Variants in RNF220 observed in about 807,000 individuals in gnomAD.
The protein encoded by RNF220 is E3 ubiquitin-protein ligase RNF220.
A neutral mutation model predicts 67.1 loss-of-function variants in RNF220; 7 were observed. The ratio of observed to expected loss-of-function variants is 0.10; its 90% confidence interval spans 0.06 to 0.20. The LOEUF is 0.20. Ranked by LOEUF, RNF220 falls within the 10% of genes least tolerant of loss-of-function variation. RNF220 has a pLI of 1.00. For synonymous variants in RNF220, 270 were observed against 283.2 expected, an observed-to-expected ratio of 0.95 and a Z score of 0.47; for missense variants, 565 against 740.3, an observed-to-expected ratio of 0.76 and a Z score of 2.75.
chr1:44,646,684 A>G (rs1244408630), intron 12 of RNF220, among the ~76,000 whole-genome samples: 1 of 152,168 alleles, frequency 6.6e-6, no homozygotes, highest in East Asian at 1.9e-4. Flanking sequence ...AGTGGCTTCC[A>G]TGAAGGTACA....
chr1:44,440,567 CAG>C (rs1453977357), intron 2 of RNF220, among the ~76,000 whole-genome samples: 1 of 152,198 alleles, frequency 6.6e-6, no homozygotes, highest in Admixed American at 6.5e-5. Flanking sequence ...AGCTGAGACT[CAG>C]AGAATTTAAG....
chr1:44,428,253 T>C (rs1005897286), intron 2 of RNF220, among the ~76,000 whole-genome samples: 3 of 152,192 alleles, frequency 2.0e-5, no homozygotes, highest in African/African-American at 7.2e-5. Context: ...TGACGAATCC[T>C]GTTCTATGCC....
intron 2 of RNF220, among the ~76,000 whole-genome samples, chr1:44,546,369 A>G (rs1457853305): frequency 1.3e-5 from 2 of 152,136 alleles, no homozygotes; most frequent in Admixed American, 6.5e-5. Context: ...CCACCGCAAC[A>G]TCTGAGAGCA....
chr1:44,542,823 C>T (rs1661780774), intron 2 of RNF220, among the ~76,000 whole-genome samples: 1 of 152,174 alleles, frequency 6.6e-6, no homozygotes, highest in Non-Finnish European at 1.5e-5. Flanking sequence ...TTGGGCTGAC[C>T]AAAGAAGGCT....
At chr1:44,411,839 C>A (rs1470994059) in intron 1 of RNF220, 142 bp from the exon 2 acceptor site, 1 of 440,800 alleles carries the variant, frequency 2.3e-6, no homozygotes. Flanking sequence ...TGCTGCTGCC[C>A]ACTGGCTCCT....
intron 2 of RNF220, among the ~76,000 whole-genome samples, chr1:44,494,304 G>A (rs182852217): frequency 2.0e-5 from 3 of 152,054 alleles, no homozygotes; most frequent in African/African-American, 7.2e-5. Context: ...AGACATTACG[G>A]GGCTAGACAA....
At chr1:44,479,728 T>C (rs896427478) in intron 2 of RNF220, among the ~76,000 whole-genome samples, 1 of 152,174 alleles carries the variant, frequency 6.6e-6, no homozygotes, top group African/African-American at 2.4e-5. Flanking sequence ...ACTAGAGAGA[T>C]TGGAGATGAG....
At chr1:44,408,890 A>G (rs1317430010) in intron 1 of RNF220, 8 of 152,120 alleles carry the variant, frequency 5.3e-5, no homozygotes, top group Non-Finnish European at 1.0e-4. Flanking sequence ...GCTTCCTTCT[A>G]TGCCGATCCC....
intron 2 of RNF220, among the ~76,000 whole-genome samples, chr1:44,576,355 G>T (rs1015807222): frequency 6.6e-6 from 1 of 152,182 alleles, no homozygotes; most frequent in African/African-American, 2.4e-5. Context: ...GAACAGAGAT[G>T]GAAGCCATGG....
intron 2 of RNF220, among the ~76,000 whole-genome samples, chr1:44,512,659 G>A (rs1006137532): frequency 6.6e-6 from 1 of 152,210 alleles, no homozygotes; most frequent in African/African-American, 2.4e-5. Context: ...CAGCTAATGA[G>A]GAAAGATTAA....
At chr1:44,546,945 A>G (rs1662208325) in intron 2 of RNF220, among the ~76,000 whole-genome samples, 1 of 152,222 alleles carries the variant, frequency 6.6e-6, no homozygotes, top group Non-Finnish European at 1.5e-5. Context: ...GGCAGATGAC[A>G]CTAAGGAGGG....
At chr1:44,546,444 C>G (rs1662157594) in intron 2 of RNF220, among the ~76,000 whole-genome samples, 1 of 152,160 alleles carries the variant, frequency 6.6e-6, no homozygotes, top group African/African-American at 2.4e-5. Context: ...TACTCACTCC[C>G]CTATATAATA....
intron 2 of RNF220, among the ~76,000 whole-genome samples, chr1:44,439,795 A>T (rs1171530049): frequency 6.6e-6 from 1 of 152,216 alleles, no homozygotes. Context: ...GTGGATGTCC[A>T]CTCAAAGGGA....
rs571120716 is a variant in RNF220, at chr1:44,622,150, C to A, written c.759-592C>A. On this transcript the variant is annotated intron_variant, in intron 3 of 14. Transcript: ENST00000361799. This position sits in a 1 kb window ranked among gnomAD's most constrained non-coding sequence, Gnocchi z 4.3. ...TTATTAAACACAGTCCTCGCCTCCCCCACAGCCCATCCATCACCTCCCACC... is the reference window on the plus strand; with the variant it reads ...TTATTAAACACAGTCCTCGCCTCCCACACAGCCCATCCATCACCTCCCACC... Among the ~76,000 whole-genome samples the A allele has an allele frequency of 5.3e-5, 8 of 152,322 alleles. No individual in the cohort carries two copies. The South Asian group carries it at 1.7e-3, about 32-fold the overall frequency.
At chr1:44,603,126 G>C (rs1194047000) in intron 2 of RNF220, among the ~76,000 whole-genome samples, 1 of 152,176 alleles carries the variant, frequency 6.6e-6, no homozygotes, top group African/African-American at 2.4e-5. Flanking sequence ...AATGATTACA[G>C]GCAGCTACAG....
intron 2 of RNF220, among the ~76,000 whole-genome samples, chr1:44,541,291 G>A (rs1188032764): frequency 6.6e-6 from 1 of 152,098 alleles, no homozygotes; most frequent in East Asian, 1.9e-4. Context: ...AGCCAGGTGT[G>A]GTGGCACACA....
At chr1:44,613,652 A>G (rs1371324257) in intron 2 of RNF220, among the ~76,000 whole-genome samples, 1 of 152,228 alleles carries the variant, frequency 6.6e-6, no homozygotes, top group East Asian at 1.9e-4. Flanking sequence ...CAAGGCTGGC[A>G]GATGACTTGA....
Position 44,626,309 on chromosome 1 carries a change from T to C in RNF220, c.817T>C (p.Ser273Pro). The C allele has an allele frequency of 6.2e-7, 1 of 1,613,904 alleles. No homozygotes were observed. Among genetic ancestry groups the C allele is most frequent in the Non-Finnish European group, 8.5e-7 (1 of 1,179,794 alleles). The change falls in exon 5 of 15, where the codon TCT (serine) becomes CCT (proline). Residue 273 changes from serine (S) to proline (P), a missense_variant. Transcript: ENST00000361799. ...TTTCTTCTTCCAGTCCCTCCTGTTGTCTGCTTCCATCAAGAGGGAAGGAGA... is the reference window on the plus strand; with the variant it reads ...TTTCTTCTTCCAGTCCCTCCTGTTGCCTGCTTCCATCAAGAGGGAAGGAGA... ...APGTPKSLLL[S>P]ASIKREGESP...
At chr1:44,448,675 T>C (rs1652349824) in intron 2 of RNF220, among the ~76,000 whole-genome samples, 1 of 152,242 alleles carries the variant, frequency 6.6e-6, no homozygotes, top group African/African-American at 2.4e-5. Flanking sequence ...CAAACATGTC[T>C]TGAGACCTAT....
Sources: gnomAD v4.1 joint callset for allele counts (sites outside exome capture counted in the v4.1 genomes callset) on GRCh38, gnomAD v4.1.1 for gene constraint, Gnocchi (gnomAD v3.1) non-coding constraint, MANE v1.5 for transcripts, NCBI Gene and HGNC (gene_info 2026-07-23, HGNC 2026-07-21) for gene names.